Variants in RTL9 observed in about 807,000 individuals in gnomAD.
RTL9 encodes retrotransposon Gag-like protein 9.
Under a neutral mutation model 44.7 loss-of-function variants are expected in RTL9, and 19 were observed. That is an observed-to-expected ratio of 0.42 (90% confidence interval 0.30 to 0.62). The LOEUF (loss-of-function observed/expected upper bound fraction) is 0.62, where lower values mean the gene tolerates loss of function less well. Ranked by LOEUF, RTL9 falls within the 20% of genes least tolerant of loss-of-function variation. RTL9 has a pLI of 0.16. For missense variants in RTL9, 1,105 were observed against 1,080.6 expected (o/e 1.02, Z -0.32); for synonymous variants, 407 against 398.9 (o/e 1.02, Z -0.24).
At chrX:110,362,912 A>G (rs190286625) in intron 1 of RTL9, among the ~76,000 whole-genome samples, 16 of 112,145 alleles carry the variant, frequency 1.4e-4, no homozygotes, top group African/African-American at 4.5e-4. Context: ...CCTAAGTGAT[A>G]TATACTATCA....
At chrX:110,433,378 C>T (rs1603007102) in intron 1 of RTL9, among the ~76,000 whole-genome samples, 1 of 111,768 alleles carries the variant, frequency 8.9e-6, no homozygotes, top group East Asian at 2.8e-4. Flanking sequence ...AGTCTGTTGT[C>T]AGTGACAATG....
intron 1 of RTL9, among the ~76,000 whole-genome samples, chrX:110,360,357 C>T (rs1024762294): frequency 3.6e-5 from 4 of 111,622 alleles, no homozygotes; most frequent in Non-Finnish European, 5.7e-5. Context: ...GCAAAATATG[C>T]ATAGCACTGT....
chrX:110,410,774 T>C (rs941854274), intron 1 of RTL9, among the ~76,000 whole-genome samples: 2 of 111,374 alleles, frequency 1.8e-5, no homozygotes, highest in Non-Finnish European at 3.8e-5. Flanking sequence ...GATAACCTTT[T>C]GGATCCTAGA....
Position 110,455,297 on chromosome X carries a change from T to A in RTL9, c.4143T>A (p.His1381Gln), listed in dbSNP as rs182325303. Residue 1381 changes from histidine to glutamine, a missense_variant, in exon 2 of 2, where the codon CAT becomes CAA. Coordinates refer to ENST00000540313, the Ensembl canonical transcript of RTL9. ...ACCTTGGACAGAGCACAGGCCATCA[T>A]CAGAAGGCCCATACCAACAAGTAAA... 1.2e-4 allele frequency: 147 copies of A among 1,207,628 alleles called. 1 individual carries two copies. In the East Asian group the frequency reaches 2.4e-3, roughly 20 times the overall value.
At chrX:110,440,551 A>T (rs1254852969) in intron 1 of RTL9, among the ~76,000 whole-genome samples, 2 of 111,564 alleles carry the variant, frequency 1.8e-5, no homozygotes, top group Non-Finnish European at 3.8e-5. Context: ...AGTGTCAGAG[A>T]GCTCCTCTGT....
At chrX:110,433,504 A>G (rs1447378159) in intron 1 of RTL9, among the ~76,000 whole-genome samples, 1 of 111,736 alleles carries the variant, frequency 8.9e-6, no homozygotes, top group Admixed American at 9.5e-5. Context: ...AAGGAAGGGA[A>G]AAACTGGAGC....
chrX:110,448,227 C>T (rs745384372), upstream of RTL9, among the ~76,000 whole-genome samples: 40 of 110,882 alleles, frequency 3.6e-4, no homozygotes, highest in Non-Finnish European at 6.6e-4. Context: ...TCCATCCTCC[C>T]AAACCCTCTT....
intron 1 of RTL9, among the ~76,000 whole-genome samples, chrX:110,430,683 C>A (rs1488826045): frequency 8.9e-6 from 1 of 112,251 alleles, no homozygotes; most frequent in Non-Finnish European, 1.9e-5. Context: ...TGTCAGTTAA[C>A]CCTTGTATAT....
chrX:110,429,366 AT>A (rs941440551), intron 1 of RTL9, among the ~76,000 whole-genome samples: 1 of 111,254 alleles, frequency 9.0e-6, no homozygotes, highest in African/African-American at 3.3e-5. Context: ...TGCAAACCTG[AT>A]TTAAATCCCT....
chrX:110,406,259 C>A (rs2068600779), intron 1 of RTL9, among the ~76,000 whole-genome samples: 1 of 107,796 alleles, frequency 9.3e-6, no homozygotes, highest in Non-Finnish European at 1.9e-5. Flanking sequence ...CCTCCCCTAG[C>A]CCCCCACGCC....
exon 1 of RTL9, chrX:110,452,356 T>C (rs1415925305): frequency 8.3e-7 from 1 of 1,211,781 alleles, no homozygotes; most frequent in South Asian, 1.8e-5. Context: ...ACCCCACTAA[T>C]GACAGCCCAA....
upstream of RTL9, among the ~76,000 whole-genome samples, chrX:110,417,250 A>G (rs922359948): frequency 1.8e-5 from 2 of 111,535 alleles, no homozygotes; most frequent in African/African-American, 6.5e-5. Flanking sequence ...AGGGAGGGGG[A>G]GTGAAGAGGC....
chrX:110,373,976 A>G (rs2068358229), intron 1 of RTL9, among the ~76,000 whole-genome samples: 2 of 112,316 alleles, frequency 1.8e-5, no homozygotes, highest in Non-Finnish European at 3.8e-5. Context: ...AGAATATAGC[A>G]TGGCACTATA....
exon 1 of RTL9, chrX:110,452,819 G>T (rs377652967): frequency 8.3e-7 from 1 of 1,209,929 alleles, no homozygotes. Flanking sequence ...TGTCCATGTC[G>T]CCCATGAAGT....
At chrX:110,402,517 T>C (rs1196565491) in intron 1 of RTL9, among the ~76,000 whole-genome samples, 1 of 112,626 alleles carries the variant, frequency 8.9e-6, no homozygotes, top group Non-Finnish European at 1.9e-5. Context: ...GGTATGTGAG[T>C]GTGGGAGCTC....
At chrX:110,391,599 T>C in intron 1 of RTL9, among the ~76,000 whole-genome samples, 1 of 112,277 alleles carries the variant, frequency 8.9e-6, no homozygotes, top group South Asian at 3.7e-4. Context: ...GTTTTAGGAA[T>C]GTCTTCTGCT....
chrX:110,410,043 T>C (rs1569424080), intron 1 of RTL9, among the ~76,000 whole-genome samples: 1 of 112,047 alleles, frequency 8.9e-6, no homozygotes, highest in Non-Finnish European at 1.9e-5. Flanking sequence ...TTATTAACAG[T>C]ATCACTGGTG....
At chrX:110,450,873 G>A (rs764559564) in exon 1 of RTL9, 5 of 1,210,080 alleles carry the variant, frequency 4.1e-6, no homozygotes, top group Non-Finnish European at 5.6e-6. Context: ...AAACTCTGGA[G>A]CATTGTCCCC....
chrX:110,452,888 A>C, exon 1 of RTL9: 1 of 1,211,748 alleles, frequency 8.3e-7, no homozygotes, highest in Non-Finnish European at 1.1e-6. Context: ...TGTCCACACC[A>C]ACAGTGAGAG....
Sources: gnomAD v4.1 joint callset for allele counts (sites outside exome capture counted in the v4.1 genomes callset) on GRCh38, gnomAD v4.1.1 for gene constraint, MANE v1.5 for transcripts, NCBI Gene and HGNC (gene_info 2026-07-23, HGNC 2026-07-21) for gene names.